Variants in ADAMTSL1 observed in about 807,000 individuals in gnomAD.
ADAMTSL1 encodes the protein ADAMTS-like protein 1.
ADAMTSL1 carries 126 observed loss-of-function variants against 201.8 expected under a neutral mutation model. The observed-to-expected ratio is 0.62, with a 90% CI of 0.54 to 0.72. ADAMTSL1 has a LOEUF of 0.72. Ranked by LOEUF, ADAMTSL1 falls within the 30% of genes least tolerant of loss-of-function variation. ADAMTSL1 has a pLI of 0.00. For synonymous variants in ADAMTSL1, 1,121 were observed against 903.4 expected (o/e 1.24, Z -4.32); for missense variants, 2,679 against 2,277.8 (o/e 1.18, Z -3.59).
intron 2 of ADAMTSL1, among the ~76,000 whole-genome samples, chr9:18,164,194 T>C (rs1359262970): frequency 2.6e-5 from 4 of 151,996 alleles, no homozygotes; most frequent in Non-Finnish European, 5.9e-5. Flanking sequence ...TTAAACATTT[T>C]ACTCAAGCGT....
chr9:18,903,170 A>T (rs749577692), intron 26 of ADAMTSL1, among the ~76,000 whole-genome samples: 1 of 152,250 alleles, frequency 6.6e-6, no homozygotes, highest in Non-Finnish European at 1.5e-5. Context: ...ACACCACTGC[A>T]TTCCAAGATT....
rs538558328 is a variant in ADAMTSL1 at position 18,072,642 on chromosome 9, A to G, written c.88-91220A>G. On this transcript the variant is annotated intron_variant, in intron 1 of 29. Transcript: ENST00000680146. Reference sequence around the variant, plus strand: ...ATCACCACAGGTTGATTATCTGCATATCTCTCAGAGACAACATTGTTCAGA... The same window carrying G: ...ATCACCACAGGTTGATTATCTGCATGTCTCTCAGAGACAACATTGTTCAGA... 3.9e-5 allele frequency among the ~76,000 whole-genome samples: 6 copies of G among 152,350 alleles called. No homozygotes were observed. The South Asian group carries it at 1.0e-3, about 26-fold the overall frequency.
Position 18,743,135 on chromosome 9 carries a change from T to C in ADAMTSL1, c.2007-10163T>C, listed in dbSNP as rs540081265. ...TGCTATCACTCAGAAGACAGGGTGA[T>C]CAGAAAATGGGAACCAGAACTTAGA... is the stretch of plus-strand genomic sequence containing the variant. On this transcript the variant is annotated intron_variant, in intron 15 of 28. Coordinates refer to ENST00000380548, the MANE Select transcript of ADAMTSL1 (RefSeq NM_001040272.6). 7.2e-5 allele frequency among the ~76,000 whole-genome samples: 11 copies of C among 152,280 alleles called. 1 individual carries two copies. The highest frequency in any genetic ancestry group is 2.4e-4 in the African/African-American group (10 of 41,574).
At chr9:18,802,383 A>G (rs534187628) in intron 20 of ADAMTSL1, among the ~76,000 whole-genome samples, 1 of 152,298 alleles carries the variant, frequency 6.6e-6, no homozygotes, top group Non-Finnish European at 1.5e-5. Flanking sequence ...TAATCCTCCC[A>G]TTTCTTTCAG....
intron 2 of ADAMTSL1, among the ~76,000 whole-genome samples, chr9:18,247,262 C>G (rs1435396865): frequency 2.0e-5 from 3 of 152,058 alleles, no homozygotes; most frequent in Non-Finnish European, 1.5e-5. Context: ...ATGTAGTCAT[C>G]CATTTATGAC....
chr9:18,625,928 G>T (rs369656765), intron 5 of ADAMTSL1, among the ~76,000 whole-genome samples: 3 of 152,184 alleles, frequency 2.0e-5, no homozygotes, highest in Admixed American at 6.5e-5. Context: ...TTATGCTGAC[G>T]TATAATGGCT....
chr9:17,915,673 G>C (rs575419095), intron 1 of ADAMTSL1, among the ~76,000 whole-genome samples: 1 of 152,300 alleles, frequency 6.6e-6, no homozygotes, highest in Non-Finnish European at 1.5e-5. Flanking sequence ...CTCAGTAGCA[G>C]AATGAGAGTT....
chr9:18,305,353 CAGAATCGTTCACTCTCCT>C, intron 2 of ADAMTSL1, among the ~76,000 whole-genome samples: 1 of 152,290 alleles, frequency 6.6e-6, no homozygotes, highest in East Asian at 1.9e-4. Flanking sequence ...ACCAGTGAGA[CAGAATCGTTCACTCTCCT>C]AGAAAGGGGG....
At chr9:18,405,030 T>C (rs1361929492) in intron 2 of ADAMTSL1, among the ~76,000 whole-genome samples, 1 of 152,154 alleles carries the variant, frequency 6.6e-6, no homozygotes, top group South Asian at 2.1e-4. Flanking sequence ...TTTTCCTTTA[T>C]TTCCAGCGCT....
chr9:18,567,610 T>C (rs775981945), intron 3 of ADAMTSL1, among the ~76,000 whole-genome samples: 5 of 152,148 alleles, frequency 3.3e-5, no homozygotes. Flanking sequence ...GATGTCCAGA[T>C]GGCAAGTGAG....
chr9:18,068,330 ATAATACAAATTAAAACAATACAGTG>A (rs1822801718), intron 1 of ADAMTSL1, among the ~76,000 whole-genome samples: 1 of 152,206 alleles, frequency 6.6e-6, no homozygotes, highest in East Asian at 1.9e-4. Flanking sequence ...AACAATAAAA[ATAATACAAATTAAAACAATACAGTG>A]TATCAACTAT....
At chr9:18,674,205 CACACACACACACACACAA>C (rs1428565867) in intron 9 of ADAMTSL1, among the ~76,000 whole-genome samples, 3 of 143,386 alleles carry the variant, frequency 2.1e-5, no homozygotes, top group African/African-American at 2.7e-5. Context: ...CAGGCACACA[CACACACACACACACACAA>C]ACACACACAT....
chr9:18,640,490 C>A (rs544547477), intron 7 of ADAMTSL1, among the ~76,000 whole-genome samples: 2 of 152,144 alleles, frequency 1.3e-5, no homozygotes, highest in African/African-American at 2.4e-5. Flanking sequence ...AATTATATAA[C>A]TGGATTCAAG....
intron 4 of ADAMTSL1, among the ~76,000 whole-genome samples, chr9:18,604,729 G>A (rs1243344665): frequency 6.6e-6 from 1 of 152,214 alleles, no homozygotes; most frequent in Non-Finnish European, 1.5e-5. Flanking sequence ...AGGCACACAA[G>A]TGTATGTTCA....
At chr9:18,890,680 C>T (rs923426247) in intron 25 of ADAMTSL1, 15 of 444,558 alleles carry the variant, frequency 3.4e-5, no homozygotes, top group Admixed American at 1.4e-4. Context: ...CTTTTATACC[C>T]TTCCTGAACT....
At chr9:18,240,643 A>G (rs968328256) in intron 2 of ADAMTSL1, among the ~76,000 whole-genome samples, 30 of 152,314 alleles carry the variant, frequency 2.0e-4, no homozygotes, top group African/African-American at 6.0e-4. Flanking sequence ...TTTCAGTATA[A>G]GATATCATTG....
intron 13 of ADAMTSL1, among the ~76,000 whole-genome samples, chr9:18,694,699 G>A (rs947800638): frequency 6.6e-6 from 1 of 152,252 alleles, no homozygotes; most frequent in African/African-American, 2.4e-5. Flanking sequence ...AGCTTTTCTA[G>A]GTTCATGGTG....
chr9:18,451,278 A>G (rs1287734307), intron 2 of ADAMTSL1, among the ~76,000 whole-genome samples: 1 of 152,228 alleles, frequency 6.6e-6, no homozygotes, highest in East Asian at 1.9e-4. Context: ...GCATACTAGT[A>G]TACCAATTTT....
At chr9:17,921,305 C>A (rs1563896162) in intron 1 of ADAMTSL1, among the ~76,000 whole-genome samples, 1 of 152,122 alleles carries the variant, frequency 6.6e-6, no homozygotes, top group African/African-American at 2.4e-5. Context: ...AGTCTGAAGC[C>A]CTACAGGCCA....
Sources: gnomAD v4.1 joint callset for allele counts (sites outside exome capture counted in the v4.1 genomes callset) on GRCh38, gnomAD v4.1.1 for gene constraint, MANE v1.5 for transcripts, NCBI Gene and HGNC (gene_info 2026-07-23, HGNC 2026-07-21) for gene names.